Variants in DNAJC7 observed in about 807,000 individuals in gnomAD.
DNAJC7 encodes DnaJ heat shock protein family (Hsp40) member C7, also known as dnaJ homolog subfamily C member 7.
DNAJC7 carries 18 observed loss-of-function variants against 67.4 expected under a neutral mutation model. The observed-to-expected ratio is 0.27, with a 90% CI of 0.18 to 0.40. The LOEUF (loss-of-function observed/expected upper bound fraction) is 0.40, where lower values mean the gene tolerates loss of function less well. Among genes scored for constraint, DNAJC7 ranks in the 10% least tolerant of loss-of-function variants. The pLI is 1.00. For missense variants in DNAJC7, 419 were observed against 613.8 expected, an observed-to-expected ratio of 0.68 and a Z score of 3.35; for synonymous variants, 220 against 207.8, an observed-to-expected ratio of 1.06 and a Z score of -0.50.
At chr17:41,990,834 A>AT (rs1218388667) in intron 5 of DNAJC7, among the ~76,000 whole-genome samples, 5 of 150,888 alleles carry the variant, frequency 3.3e-5, no homozygotes, top group Admixed American at 6.6e-5. Flanking sequence ...GCCCAAGCTA[A>AT]TTTTTTTTTG....
intron 1 of DNAJC7, among the ~76,000 whole-genome samples, chr17:42,005,947 A>ATTT (rs2051939876): frequency 7.0e-6 from 1 of 142,334 alleles, no homozygotes; most frequent in East Asian, 2.1e-4. Flanking sequence ...TTATTTATTT[A>ATTT]ATTTTTTTTA....
At chr17:41,999,047 AAAAAG>A (rs782649577) in intron 2 of DNAJC7, among the ~76,000 whole-genome samples, 1 of 152,126 alleles carries the variant, frequency 6.6e-6, no homozygotes, top group Non-Finnish European at 1.5e-5. Flanking sequence ...AGAGTTAAAA[AAAAAG>A]AAAAGAAAAA....
At chr17:41,999,823 T>G (rs549186145) in intron 2 of DNAJC7, among the ~76,000 whole-genome samples, 1 of 151,600 alleles carries the variant, frequency 6.6e-6, no homozygotes, top group African/African-American at 2.4e-5. Flanking sequence ...CTGGCCTATT[T>G]TTTTTATCTT....
At chr17:41,977,121 C>T (rs1482554681) in intron 13 of DNAJC7, 140 bp downstream of exon 13, 17 of 877,760 alleles carry the variant, frequency 1.9e-5, no homozygotes, top group African/African-American at 6.8e-5. Flanking sequence ...TAGCAACAGC[C>T]GAGTGGATAG....
At chr17:41,996,527 C>A in intron 3 of DNAJC7, 103 bp from the exon 4 acceptor site, 1 of 943,068 alleles carries the variant, frequency 1.1e-6, no homozygotes, top group Non-Finnish European at 1.6e-6. Context: ...AGAGGCCAGG[C>A]GCGGTGACTC....
chr17:41,976,439 A>G lies in DNAJC7; in HGVS notation c.*294T>C. On this transcript the variant is annotated 3_prime_UTR_variant, in exon 14 of 14. Coordinates refer to ENST00000457167, the MANE Select transcript of DNAJC7 (RefSeq NM_003315.4). Reference sequence around the variant, plus strand: ...GCAGATGCCAGAGCAAAGGGCCAGGAAGGGTCAAAACATTTTATTCTCTTT... The same window carrying G: ...GCAGATGCCAGAGCAAAGGGCCAGGGAGGGTCAAAACATTTTATTCTCTTT... 2.8e-6 allele frequency: 1 copy of G among 357,016 alleles called. No individual in the cohort carries two copies. Among genetic ancestry groups the G allele is most frequent in the Non-Finnish European group, 5.0e-6 (1 of 198,976 alleles). The allele number at this position is 357,016 out of a possible 1,614,324, so 22.1% of individuals were successfully genotyped here. A position where few individuals can be genotyped will look rare whatever the true frequency, so the allele number is the denominator to read the frequency against.
At chr17:41,992,548 C>G (rs1043510169) in intron 5 of DNAJC7, 1 of 152,120 alleles carries the variant, frequency 6.6e-6, no homozygotes, top group Non-Finnish European at 1.5e-5. Flanking sequence ...GTCCTGCCCC[C>G]CCAGATGGAA....
chr17:41,996,304 C>CA lies in DNAJC7; in HGVS notation c.405+6_405+7insT. 5.6e-6 allele frequency: 9 copies of CA among 1,613,110 alleles called. No homozygotes were observed. The highest frequency in any genetic ancestry group is 7.6e-6 in the Non-Finnish European group (9 of 1,179,652). ...CTCTTTTGACAGAAACAGGATCAGA[C>CA]CCGTACCTCTTGTTGTGCCTGAGCA... is the stretch of plus-strand genomic sequence containing the variant. On this transcript the variant is annotated splice_region_variant and intron_variant, in intron 4 of 13. Coordinates refer to ENST00000457167, the MANE Select transcript of DNAJC7 (RefSeq NM_003315.4).
intron 5 of DNAJC7, among the ~76,000 whole-genome samples, chr17:41,993,066 A>T (rs1555648007): frequency 6.6e-6 from 1 of 152,256 alleles, no homozygotes; most frequent in African/African-American, 2.4e-5. Context: ...GATGCTAATA[A>T]GTTACTGCCG....
In DNAJC7 at chr17:41,983,626, T is replaced by C; in HGVS notation, c.1021A>G (p.Thr341Ala). ...YLRRAQCYMD[T>A]EQYEEAVRDY... ...CGTACTGCTTCTTCATACTGTTCTG[T>C]GTCCATGTAACTGAGAAGGAAATAC... The change falls in exon 10 of 14, where the codon ACA (threonine) becomes GCA (alanine). Residue 341 changes from threonine to alanine, a missense_variant. By Grantham distance (58) the Thr-to-Ala change is moderately conservative. Coordinates refer to ENST00000457167, the MANE Select transcript of DNAJC7 (RefSeq NM_003315.4). 6.2e-7 allele frequency: 1 copy of C among 1,603,010 alleles called. No homozygotes were observed. Among genetic ancestry groups the C allele is most frequent in the Admixed American group, 1.7e-5 (1 of 57,888 alleles).
At chr17:42,016,453 C>T (rs987582457) in intron 1 of DNAJC7, 8 of 152,250 alleles carry the variant, frequency 5.3e-5, no homozygotes, top group African/African-American at 1.9e-4. Context: ...GGGCTCCAAA[C>T]TTCTAGAACC....
intron 4 of DNAJC7, 99 bp from the exon 5 acceptor site, chr17:41,995,043 A>T: frequency 1.0e-6 from 1 of 985,892 alleles, no homozygotes; most frequent in South Asian, 1.3e-5. Context: ...AATTCAGTAA[A>T]TATACCACAC....
intron 9 of DNAJC7, chr17:41,987,617 C>T: frequency 1.9e-6 from 1 of 528,328 alleles, no homozygotes; most frequent in South Asian, 2.8e-5. Context: ...TAGACACAGG[C>T]ATGGGAGACT....
chr17:41,976,602 G>C lies in DNAJC7; in HGVS notation c.*131C>G. On this transcript the variant is annotated 3_prime_UTR_variant, in exon 14 of 14. Coordinates refer to ENST00000457167, the MANE Select transcript of DNAJC7 (RefSeq NM_003315.4). Reference sequence around the variant, plus strand: ...TCCACCCCACTCACAGAGACACAGGGCATCCAACTGAGAAAACGAAACTGC... The same window carrying C: ...TCCACCCCACTCACAGAGACACAGGCCATCCAACTGAGAAAACGAAACTGC... 4 of 1,168,360 alleles carry C rather than the reference G, an allele frequency of 3.4e-6. No individual in the cohort carries two copies. The highest frequency in any genetic ancestry group is 4.8e-6 in the Non-Finnish European group (4 of 833,332). 72.4% of individuals were successfully genotyped at this position (1,168,360 alleles called of 1,614,324 possible). A position where few individuals can be genotyped will look rare whatever the true frequency, so the allele number is the denominator to read the frequency against.
At chr17:41,979,469 C>A (rs1187308253) in intron 12 of DNAJC7, among the ~76,000 whole-genome samples, 9 of 146,070 alleles carry the variant, frequency 6.2e-5, no homozygotes, top group African/African-American at 2.3e-4. Flanking sequence ...GTCAGGAGTT[C>A]AAGACCAGCC....
intron 10 of DNAJC7, among the ~76,000 whole-genome samples, chr17:41,983,119 T>C (rs1555646244): frequency 6.6e-6 from 1 of 152,038 alleles, no homozygotes; most frequent in Non-Finnish European, 1.5e-5. Context: ...TCACTTTTTT[T>C]TTCTTTTTTT....
chr17:42,003,905 T>TA (rs1423065404), intron 1 of DNAJC7, among the ~76,000 whole-genome samples: 4 of 151,806 alleles, frequency 2.6e-5, no homozygotes, highest in African/African-American at 4.8e-5. Flanking sequence ...AATATATTTC[T>TA]AGTGTTATTT....
Position 42,006,796 on chromosome 17 carries a change from C to CA in DNAJC7, c.78-6227dup, listed in dbSNP as rs57155070. Among the ~76,000 whole-genome samples the CA allele has an allele frequency of 2.1e-3, 50 of 23,330 alleles. 2 individuals are homozygous for CA. The highest frequency in any genetic ancestry group is 0.018 in the East Asian group (12 of 656). The allele number at this position is 23,330 out of a possible 152,430, so 15.3% of individuals were successfully genotyped here. A position where few individuals can be genotyped will look rare whatever the true frequency, so the allele number is the denominator to read the frequency against. On this transcript the variant is annotated intron_variant, in intron 1 of 13. Coordinates refer to ENST00000457167, the MANE Select transcript of DNAJC7 (RefSeq NM_003315.4). ...TGGGCAACAGAGCAAGACTCCGTCTCAAAAAAAAAAAAAAAAAAAAAAGTC... is the reference window on the plus strand; with the variant it reads ...TGGGCAACAGAGCAAGACTCCGTCTCAAAAAAAAAAAAAAAAAAAAAAAGTC...
intron 9 of DNAJC7, chr17:41,987,510 A>G (rs1239142116): frequency 5.9e-6 from 2 of 340,978 alleles, no homozygotes; most frequent in Non-Finnish European, 1.1e-5. Flanking sequence ...TAAGTGTACA[A>G]CACAAAATAA....
Sources: allele counts gnomAD v4.1 joint callset (sites outside exome capture counted in the v4.1 genomes callset), GRCh38; gene constraint gnomAD v4.1.1; transcripts MANE v1.5; gene names NCBI Gene and HGNC (gene_info 2026-07-23, HGNC 2026-07-21).